The following RNF13 variants were observed in gnomAD, a reference collection of about 807,000 sequenced individuals.
RNF13 encodes the protein ring finger protein 13.
RNF13 carries 19 observed loss-of-function variants against 37.7 expected under a neutral mutation model. The observed-to-expected ratio is 0.50, with a 90% confidence interval of 0.35 to 0.74. RNF13 has a LOEUF of 0.74. Among genes scored for constraint, RNF13 ranks in the 30% least tolerant of loss-of-function variants. RNF13 has a pLI of 0.01. For missense variants in RNF13, 375 were observed against 453.0 expected (o/e 0.83, Z 1.56); for synonymous variants, 144 against 157.8 (o/e 0.91, Z 0.65).
In RNF13 at chr3:149,961,025, A is replaced by G. The variant is rs1722359341; in HGVS notation, c.1067A>G (p.Asn356Ser). Reference sequence around the variant, plus strand: ...GATACTGACAGTAGTGATGCAGAAAATGAAATTAATGAACATGATGTCGTG... The same window carrying G: ...GATACTGACAGTAGTGATGCAGAAAGTGAAATTAATGAACATGATGTCGTG... Reference protein sequence around the residue: ...NEDTDSSDAENEINEHDVVVQ... With the variant: ...NEDTDSSDAESEINEHDVVVQ... Residue 356 changes from asparagine (N) to serine (S), a missense_variant, in exon 10 of 10, where the codon AAT (asparagine) becomes AGT (serine). By Grantham distance (46) the Asn-to-Ser change is conservative. Coordinates refer to ENST00000392894, the MANE Select transcript of RNF13 (RefSeq NM_183381.3). 1.2e-6 allele frequency: 2 copies of G among 1,614,208 alleles called. No homozygotes were observed. Among genetic ancestry groups the G allele is most frequent in the African/African-American group, 1.3e-5 (1 of 75,070 alleles).
At chr3:149,878,662 A>G (rs1713030534) in intron 4 of RNF13, among the ~76,000 whole-genome samples, 2 of 152,240 alleles carry the variant, frequency 1.3e-5, no homozygotes, top group Admixed American at 6.5e-5. Context: ...CACTTGAGAA[A>G]GAGATTCTAC....
intron 8 of RNF13, among the ~76,000 whole-genome samples, chr3:149,944,457 C>T (rs1335199039): frequency 6.6e-6 from 1 of 152,190 alleles, no homozygotes; most frequent in Non-Finnish European, 1.5e-5. Flanking sequence ...GTTCCTATTT[C>T]TCCACATCCT....
At chr3:149,960,260 T>C (rs1049910591) in intron 9 of RNF13, 124 bp downstream of exon 9, 1 of 664,662 alleles carries the variant, frequency 1.5e-6, no homozygotes, top group Admixed American at 2.5e-5. Flanking sequence ...TACTAATTAG[T>C]GGTCTCATTC....
intron 3 of RNF13, among the ~76,000 whole-genome samples, chr3:149,857,172 A>G (rs1723742812): frequency 6.6e-6 from 1 of 152,206 alleles, no homozygotes; most frequent in South Asian, 2.1e-4. Context: ...CATTTATAAG[A>G]CTTCAGATAT....
chr3:149,882,560 G>A (rs1713549166), intron 4 of RNF13, among the ~76,000 whole-genome samples: 1 of 152,088 alleles, frequency 6.6e-6, no homozygotes, highest in Non-Finnish European at 1.5e-5. Context: ...TAGTTTTCTA[G>A]TAATTAATGT....
At position 149,960,107 on chromosome 3, in the gene RNF13, ACAAACT is replaced by A; in HGVS notation, c.755_760del (p.Lys252_Leu253del). On this transcript the variant is annotated inframe_deletion, in exon 9 of 10. Transcript: ENST00000392894. ...TGTTTGGATGAGTATGAAGATGGAG[ACAAACT>A]CAGAATCCTTCCCTGTTCCCATGGT... is the stretch of plus-strand genomic sequence containing the variant. 3.7e-6 allele frequency: 6 copies of A among 1,611,600 alleles called. No homozygotes were observed. Among genetic ancestry groups the A allele is most frequent in the Non-Finnish European group, 5.1e-6 (6 of 1,177,772 alleles).
chr3:149,925,545 G>A (rs942573616), intron 8 of RNF13, among the ~76,000 whole-genome samples: 3 of 151,870 alleles, frequency 2.0e-5, no homozygotes, highest in African/African-American at 4.8e-5. Flanking sequence ...TATACACTTA[G>A]TTGCATTTAG....
At chr3:149,911,504 C>A (rs1716993938) in intron 6 of RNF13, among the ~76,000 whole-genome samples, 1 of 151,960 alleles carries the variant, frequency 6.6e-6, no homozygotes, top group South Asian at 2.1e-4. Flanking sequence ...AATAAAAATA[C>A]AAAAATTAGC....
At chr3:149,914,793 C>T (rs1717338383) in intron 7 of RNF13, among the ~76,000 whole-genome samples, 1 of 151,920 alleles carries the variant, frequency 6.6e-6, no homozygotes, top group Admixed American at 6.6e-5. Flanking sequence ...CAAAATTTAG[C>T]TGGGTGTGGT....
intron 1 of RNF13, among the ~76,000 whole-genome samples, chr3:149,827,316 G>C (rs991182260): frequency 1.3e-5 from 2 of 152,158 alleles, no homozygotes; most frequent in Admixed American, 6.5e-5. Context: ...ACCATCTGTG[G>C]TAAGGAACTT....
intron 4 of RNF13, among the ~76,000 whole-genome samples, chr3:149,886,232 TA>T (rs1269741621): frequency 6.6e-6 from 1 of 152,218 alleles, no homozygotes; most frequent in Non-Finnish European, 1.5e-5. Flanking sequence ...TGGTTTCATA[TA>T]AATTTTACAA....
chr3:149,865,302 A>G (rs1214402937), intron 3 of RNF13, among the ~76,000 whole-genome samples: 3 of 146,252 alleles, frequency 2.1e-5, no homozygotes, highest in Non-Finnish European at 4.5e-5. Flanking sequence ...CAACACATTC[A>G]TGAAACTTCT....
At chr3:149,836,989 A>G (rs1721688212) in intron 1 of RNF13, among the ~76,000 whole-genome samples, 1 of 152,180 alleles carries the variant, frequency 6.6e-6, no homozygotes, top group South Asian at 2.1e-4. Flanking sequence ...TGGCCAGGGG[A>G]TGGGGCATGG....
At chr3:149,858,097 C>A (rs1228971927) in intron 3 of RNF13, among the ~76,000 whole-genome samples, 2 of 152,170 alleles carry the variant, frequency 1.3e-5, no homozygotes, top group Non-Finnish European at 2.9e-5. Context: ...TCACATATGC[C>A]CACTTCTCCT....
At chr3:149,849,968 A>G (rs1722984013) in intron 2 of RNF13, among the ~76,000 whole-genome samples, 2 of 150,930 alleles carry the variant, frequency 1.3e-5, no homozygotes, top group Non-Finnish European at 2.9e-5. Context: ...AGGAGTAACT[A>G]TTTTCTACTT....
At chr3:149,835,315 A>G (rs1360698034) in intron 1 of RNF13, among the ~76,000 whole-genome samples, 1 of 152,160 alleles carries the variant, frequency 6.6e-6, no homozygotes, top group Non-Finnish European at 1.5e-5. Flanking sequence ...TTTTATTTCC[A>G]TAGGTTTTTG....
At chr3:149,846,852 G>C (rs1722690916) in intron 2 of RNF13, among the ~76,000 whole-genome samples, 2 of 152,272 alleles carry the variant, frequency 1.3e-5, no homozygotes, top group Non-Finnish European at 2.9e-5. Flanking sequence ...GATGTTCATA[G>C]AAAATTTCAA....
intron 8 of RNF13, among the ~76,000 whole-genome samples, chr3:149,959,519 T>TA (rs1722180167): frequency 6.6e-6 from 1 of 152,230 alleles, no homozygotes; most frequent in African/African-American, 2.4e-5. Flanking sequence ...TTCATCCTTA[T>TA]AACCTGCAAG....
At chr3:149,860,270 A>ATATATATATATATAT (rs1553756034) in intron 3 of RNF13, among the ~76,000 whole-genome samples, 9 of 104,110 alleles carry the variant, frequency 8.6e-5, no homozygotes, top group Non-Finnish European at 1.8e-5. Flanking sequence ...AAAAAAAAAA[A>ATATATATATATATAT]ATATATATAT....
Sources: gnomAD v4.1 joint callset for allele counts (sites outside exome capture counted in the v4.1 genomes callset) on GRCh38, gnomAD v4.1.1 for gene constraint, MANE v1.5 for transcripts, NCBI Gene and HGNC (gene_info 2026-07-23, HGNC 2026-07-21) for gene names.